Variants in MAP3K4 observed in about 807,000 individuals in gnomAD.
MAP3K4 encodes the protein MAP three kinase 1.
A neutral mutation model predicts 185.6 loss-of-function variants in MAP3K4; 67 were observed. The ratio of observed to expected loss-of-function variants is 0.36; its 90% CI spans 0.30 to 0.44. MAP3K4 has a LOEUF of 0.44. MAP3K4 is among the 20% of genes least tolerant of loss of function. MAP3K4 has a pLI of 1.00. For missense variants in MAP3K4, 1,551 were observed against 1,995.1 expected, an observed-to-expected ratio of 0.78 and a Z score of 4.24; for synonymous variants, 702 against 710.4, an observed-to-expected ratio of 0.99 and a Z score of 0.19.
chr6:161,058,363 CA>C (rs1483530234), intron 3 of MAP3K4, among the ~76,000 whole-genome samples: 1 of 152,156 alleles, frequency 6.6e-6, no homozygotes, highest in African/African-American at 2.4e-5. Flanking sequence ...CCACAGTATC[CA>C]TCATTTGTCT....
intron 3 of MAP3K4, among the ~76,000 whole-genome samples, chr6:161,055,769 G>A (rs747383878): frequency 6.6e-6 from 1 of 152,156 alleles, no homozygotes; most frequent in Non-Finnish European, 1.5e-5. Flanking sequence ...TGTCACTGTT[G>A]ATGTTAACCT....
In MAP3K4 at chr6:161,073,115, G is replaced by A. The variant is rs1409313194; in HGVS notation, c.1951-351G>A. Reference sequence around the variant, plus strand: ...GAGGTTTTTCTTTCTCACATTTCTTGTAATGTAAATTAGTAGAAAAATTGA... The same window carrying A: ...GAGGTTTTTCTTTCTCACATTTCTTATAATGTAAATTAGTAGAAAAATTGA... On this transcript the variant is annotated intron_variant, in intron 4 of 26. Coordinates refer to ENST00000392142, the MANE Select transcript of MAP3K4 (RefSeq NM_005922.4). The surrounding 1 kb of genome is among the most constrained non-coding windows in gnomAD (Gnocchi z 4.2). Among the ~76,000 whole-genome samples the A allele has an allele frequency of 6.6e-6, 1 of 151,898 alleles. No individual in the cohort carries two copies. The highest frequency in any genetic ancestry group is 2.4e-5 in the African/African-American group (1 of 41,330).
At chr6:161,006,012 T>C (rs1454647780) in intron 1 of MAP3K4, among the ~76,000 whole-genome samples, 2 of 152,180 alleles carry the variant, frequency 1.3e-5, no homozygotes, top group African/African-American at 4.8e-5. Flanking sequence ...GGTTTCGAAT[T>C]CCTGACCTCA....
rs1452632265 is a variant in MAP3K4, at chr6:161,109,122, C to T, written c.4236+263C>T. ...TGCCATTCAGAAGATTCTTCTAAAACGCCCCTTACACCACTTCTTGTGACT... is the reference window on the plus strand; with the variant it reads ...TGCCATTCAGAAGATTCTTCTAAAATGCCCCTTACACCACTTCTTGTGACT... On this transcript the variant is annotated intron_variant, in intron 22 of 26. Transcript: ENST00000392142. This position sits in a 1 kb window ranked among gnomAD's most constrained non-coding sequence, Gnocchi z 5.7. The T allele has an allele frequency of 7.3e-6, 7 of 954,986 alleles. No individual in the cohort carries two copies. Among genetic ancestry groups the T allele is most frequent in the East Asian group, 2.9e-5 (1 of 33,930 alleles). 59.2% of individuals were successfully genotyped at this position (954,986 alleles called of 1,614,324 possible).
chr6:161,091,725 A>G lies in MAP3K4; in HGVS notation c.3135+185A>G, dbSNP rs904550029. 2.0e-5 allele frequency among the ~76,000 whole-genome samples: 3 copies of G among 152,178 alleles called. No individual in the cohort carries two copies. Among genetic ancestry groups the G allele is most frequent in the East Asian group, 1.9e-4 (1 of 5,196 alleles). On this transcript the variant is annotated intron_variant, in intron 12 of 26. Transcript: ENST00000392142. The surrounding 1 kb of genome is among the most constrained non-coding windows in gnomAD (Gnocchi z 5.5). ...TTTTAAACTGTTAGGTAATTGTCCA[A>G]CTTTTATTTTGTGCTAACAGCCATC...
chr6:161,027,496 A>G (rs148874842), intron 1 of MAP3K4, among the ~76,000 whole-genome samples: 5 of 152,350 alleles, frequency 3.3e-5, no homozygotes, highest in Admixed American at 3.3e-4. Flanking sequence ...AAGAAAAATC[A>G]TGAACATCCA....
chr6:161,050,900 T>C (rs952047871), intron 3 of MAP3K4, among the ~76,000 whole-genome samples: 1 of 152,242 alleles, frequency 6.6e-6, no homozygotes, highest in African/African-American at 2.4e-5. Flanking sequence ...CCCCTTGGTA[T>C]CAGAGGTGGT....
rs1216356367 is a variant in MAP3K4 at position 161,074,006 on chromosome 6, G to T, written c.2097+394G>T. On this transcript the variant is annotated intron_variant, in intron 5 of 26. Transcript: ENST00000392142. The surrounding 1 kb of genome is among the most constrained non-coding windows in gnomAD (Gnocchi z 5.0). ...ATGGTCCTATGTTAGTGAACCGTCT[G>T]TCATCAGCCATTTTTATAATACCTA... Among the ~76,000 whole-genome samples the T allele has an allele frequency of 3.3e-5, 5 of 152,356 alleles. No homozygotes were observed. Among genetic ancestry groups the T allele is most frequent in the Admixed American group, 2.0e-4 (3 of 15,304 alleles).
intron 11 of MAP3K4, 35 bp downstream of exon 11, chr6:161,089,506 T>C (rs1167928248): frequency 6.2e-7 from 1 of 1,607,252 alleles, no homozygotes; most frequent in Non-Finnish European, 8.5e-7. Flanking sequence ...CTGAGATTTT[T>C]CCTTTTTGAT....
In MAP3K4 at chr6:161,098,444, A is replaced by G. The variant is rs1777676255; in HGVS notation, c.3674+17A>G. Reference sequence around the variant, plus strand: ...TGATACCAGGTAGTCTCACCCCACCAGTGTCCCGTACCCTCACCACCCCTT... The same window carrying G: ...TGATACCAGGTAGTCTCACCCCACCGGTGTCCCGTACCCTCACCACCCCTT... On this transcript the variant is annotated intron_variant, in intron 17 of 26. Transcript: ENST00000392142. The surrounding 1 kb of genome is among the most constrained non-coding windows in gnomAD (Gnocchi z 4.4). The G allele has an allele frequency of 6.2e-7, 1 of 1,608,800 alleles. No homozygotes were observed. Among genetic ancestry groups the G allele is most frequent in the Non-Finnish European group, 8.5e-7 (1 of 1,176,600 alleles).
In MAP3K4 at chr6:161,084,929, C is replaced by G. The variant is rs1026399422; in HGVS notation, c.2372+312C>G. On this transcript the variant is annotated intron_variant, in intron 7 of 26. Coordinates refer to ENST00000392142, the MANE Select transcript of MAP3K4 (RefSeq NM_005922.4). The surrounding 1 kb of genome is among the most constrained non-coding windows in gnomAD (Gnocchi z 4.6). ...TGGGAGGCCGAGGTGGGTGAATCAC[C>G]AGGTCAGGAGTTCAAGACCAGCCTG... Among the ~76,000 whole-genome samples the G allele has an allele frequency of 6.6e-6, 1 of 151,926 alleles. No individual in the cohort carries two copies. Among genetic ancestry groups the G allele is most frequent in the Admixed American group, 6.6e-5 (1 of 15,244 alleles).
chr6:161,052,518 C>T (rs936653102), intron 3 of MAP3K4, among the ~76,000 whole-genome samples: 9 of 152,258 alleles, frequency 5.9e-5, no homozygotes, highest in African/African-American at 1.9e-4. Flanking sequence ...ACTACAGAAG[C>T]CCCTGTTGTT....
intron 1 of MAP3K4, among the ~76,000 whole-genome samples, chr6:161,011,952 C>T (rs686392): frequency 0.94 from 142,375 of 152,270 alleles, 66,887 homozygotes; most frequent in African/African-American, 0.97. Flanking sequence ...GAAATTGGTA[C>T]GGTCTCTGCC....
At chr6:161,019,640 C>T (rs986099691) in intron 1 of MAP3K4, among the ~76,000 whole-genome samples, 1 of 152,150 alleles carries the variant, frequency 6.6e-6, no homozygotes, top group Non-Finnish European at 1.5e-5. Flanking sequence ...AACTCCTGAC[C>T]TCAAGTGATC....
rs1782468110 is a variant in MAP3K4, at chr6:161,022,884, A to G, written c.153-11375A>G. Among the ~76,000 whole-genome samples the G allele has an allele frequency of 6.6e-6, 1 of 152,212 alleles. No individual in the cohort carries two copies. The highest frequency in any genetic ancestry group is 1.5e-5 in the Non-Finnish European group (1 of 68,034). ...ATATCGAGCATAGTACTTACCAAGC[A>G]TGGTAAGTACTCCGTGCCTAACGGT... On this transcript the variant is annotated intron_variant, in intron 1 of 26. Coordinates refer to ENST00000392142, the MANE Select transcript of MAP3K4 (RefSeq NM_005922.4). The surrounding 1 kb of genome is among the most constrained non-coding windows in gnomAD (Gnocchi z 4.2).
chr6:160,999,736 A>G lies in MAP3K4; in HGVS notation c.152+7653A>G, dbSNP rs571088670. On this transcript the variant is annotated intron_variant, in intron 1 of 26. Transcript: ENST00000392142. ...AAGGTCCAAAGCCAAGGTGTTCTCC[A>G]GCCACCTGCCATACATAGCCCAGCT... Among the ~76,000 whole-genome samples, 5 of 152,348 alleles carry G rather than the reference A, an allele frequency of 3.3e-5. No homozygotes were observed. The East Asian group carries it at 5.8e-4, about 18-fold the overall frequency.
At chr6:161,057,105 T>C (rs1784272757) in intron 3 of MAP3K4, among the ~76,000 whole-genome samples, 1 of 152,236 alleles carries the variant, frequency 6.6e-6, no homozygotes. Flanking sequence ...ACTGTCTTAA[T>C]TGCTTTCTTT....
rs1253818470 is a variant in MAP3K4, at chr6:160,996,997, C to T, written c.152+4914C>T. Reference sequence around the variant, plus strand: ...TACTCTTAGGTTTTTATTTTCTAGGCATCACACAGGCTGCTTTTTTCCCTT... The same window carrying T: ...TACTCTTAGGTTTTTATTTTCTAGGTATCACACAGGCTGCTTTTTTCCCTT... On this transcript the variant is annotated intron_variant, in intron 1 of 26. Transcript: ENST00000392142. The surrounding 1 kb of genome is among the most constrained non-coding windows in gnomAD (Gnocchi z 4.5). Among the ~76,000 whole-genome samples the T allele has an allele frequency of 6.6e-6, 1 of 152,176 alleles. No homozygotes were observed. Among genetic ancestry groups the T allele is most frequent in the Non-Finnish European group, 1.5e-5 (1 of 68,034 alleles).
intron 2 of MAP3K4, among the ~76,000 whole-genome samples, chr6:161,044,970 C>G (rs1783655709): frequency 6.6e-6 from 1 of 152,156 alleles, no homozygotes; most frequent in African/African-American, 2.4e-5. Flanking sequence ...ACTTCCAACA[C>G]TGGGGGTCAC....
Sources: gnomAD v4.1 joint callset for allele counts (sites outside exome capture counted in the v4.1 genomes callset) on GRCh38, gnomAD v4.1.1 for gene constraint, Gnocchi (gnomAD v3.1) non-coding constraint, MANE v1.5 for transcripts, NCBI Gene and HGNC (gene_info 2026-07-23, HGNC 2026-07-21) for gene names.